Variants in ADAMTS19 observed in about 807,000 individuals in gnomAD.
ADAMTS19 encodes the protein ADAM metallopeptidase with thrombospondin type 1 motif 19, also known as A disintegrin and metalloproteinase with thrombospondin motifs 19.
A neutral mutation model predicts 153.3 loss-of-function variants in ADAMTS19; 93 were observed. The observed-to-expected ratio is 0.61, with a 90% CI of 0.51 to 0.72. ADAMTS19 has a LOEUF of 0.72. ADAMTS19 is among the 30% of genes least tolerant of loss of function. The pLI is 0.00. For synonymous variants in ADAMTS19, 600 were observed against 556.6 expected, an observed-to-expected ratio of 1.08 and a Z score of -1.10; for missense variants, 1,482 against 1,552.1, an observed-to-expected ratio of 0.95 and a Z score of 0.76.
rs1388923986 is a variant in ADAMTS19, at chr5:129,578,102, ACATATGCATGTATATG to A, written c.1373-18456_1373-18441del. Among the ~76,000 whole-genome samples, 232 of 102,194 alleles carry A rather than the reference ACATATGCATGTATATG, an allele frequency of 2.3e-3. 6 individuals carry two copies. The highest frequency in any genetic ancestry group is 5.9e-3 in the African/African-American group (209 of 35,140). The allele number at this position is 102,194 out of a possible 152,430, so 67.0% of individuals were successfully genotyped here. On this transcript the variant is annotated intron_variant, in intron 7 of 22. Coordinates refer to ENST00000274487, the MANE Select transcript of ADAMTS19 (RefSeq NM_133638.6). ...CACATATATACATATACATACATAT[ACATATGCATGTATATG>A]TACGTATACGTACATATACCTATAT...
rs186986653 is a variant in ADAMTS19, at chr5:129,737,114, C to A, written c.3538C>A (p.Arg1180=). The change falls in exon 23 of 23, where the codon CGA becomes AGA. Residue 1180 remains arginine, a synonymous_variant. Transcript: ENST00000274487. ...GGGAGATCAGTGGCCAGTGTACTGC[C>A]GAGTGATACGTGAAAAGAACCTATG... ...CLGDQWPVYC[R]VIREKNLCQD... The A allele has an allele frequency of 6.2e-7, 1 of 1,610,520 alleles. No homozygotes were observed. Among genetic ancestry groups the A allele is most frequent in the African/African-American group, 1.3e-5 (1 of 74,748 alleles).
chr5:129,522,330 C>CAT (rs1205280756), intron 3 of ADAMTS19, among the ~76,000 whole-genome samples: 269 of 70,888 alleles, frequency 3.8e-3, no homozygotes, highest in African/African-American at 0.012. Flanking sequence ...CACACACACA[C>CAT]ACATATATAT....
chr5:129,713,939 T>C (rs1036606064), intron 21 of ADAMTS19, among the ~76,000 whole-genome samples: 1 of 152,030 alleles, frequency 6.6e-6, no homozygotes, highest in Admixed American at 6.5e-5. Context: ...TTAGTCCCCC[T>C]AGCCTCAAAC....
chr5:129,551,411 A>G lies in ADAMTS19; in HGVS notation c.1329-453A>G, dbSNP rs573104317. ...TAAAATGATTATCAGTCTTTTAAAA[A>G]TTTTGCCAGTCTTATGATAGAAAAT... On this transcript the variant is annotated intron_variant, in intron 6 of 22. Transcript: ENST00000274487. 2.6e-5 allele frequency among the ~76,000 whole-genome samples: 4 copies of G among 151,782 alleles called. No individual in the cohort carries two copies. In the South Asian group the frequency reaches 8.3e-4, roughly 31 times the overall value.
intron 21 of ADAMTS19, among the ~76,000 whole-genome samples, chr5:129,715,160 A>T (rs896512986): frequency 6.6e-6 from 1 of 152,196 alleles, no homozygotes; most frequent in African/African-American, 2.4e-5. Context: ...ACATTGAGGG[A>T]AATGAATTTT....
At chr5:129,555,625 C>A (rs952906189) in intron 7 of ADAMTS19, among the ~76,000 whole-genome samples, 1 of 152,098 alleles carries the variant, frequency 6.6e-6, no homozygotes, top group Non-Finnish European at 1.5e-5. Flanking sequence ...CTGTGACAGT[C>A]GCAAAGCAGC....
intron 7 of ADAMTS19, among the ~76,000 whole-genome samples, chr5:129,583,480 T>C (rs1749626093): frequency 6.6e-6 from 1 of 152,142 alleles, no homozygotes; most frequent in Non-Finnish European, 1.5e-5. Context: ...GGGGAAGTTC[T>C]CCTGGATAAT....
chr5:129,570,488 G>T (rs747450750), intron 7 of ADAMTS19, among the ~76,000 whole-genome samples: 6 of 151,364 alleles, frequency 4.0e-5, no homozygotes, highest in Admixed American at 6.6e-5. Flanking sequence ...GTAAATTAAA[G>T]AAAAAATTAA....
intron 21 of ADAMTS19, among the ~76,000 whole-genome samples, chr5:129,712,273 A>C (rs1756518070): frequency 6.6e-6 from 1 of 152,200 alleles, no homozygotes; most frequent in Non-Finnish European, 1.5e-5. Flanking sequence ...CCATCATCTA[A>C]AGAAATCAAA....
rs1232820487 is a variant in ADAMTS19 at position 129,704,193 on chromosome 5, C to T, written c.3160-46C>T. On this transcript the variant is annotated intron_variant, in intron 20 of 22. Transcript: ENST00000274487. ...ACTTAATTGAGCCTATCATCTATAT[C>T]TCCAATTCACCAACTTTATCTAAAA... 1.9e-6 allele frequency: 3 copies of T among 1,588,688 alleles called. No homozygotes were observed. In the South Asian group the frequency reaches 3.5e-5, roughly 18 times the overall value.
chr5:129,575,420 T>C (rs1379407989), intron 7 of ADAMTS19, among the ~76,000 whole-genome samples: 2 of 152,094 alleles, frequency 1.3e-5, no homozygotes, highest in Non-Finnish European at 2.9e-5. Flanking sequence ...AGAACACTTT[T>C]AAATTTTTCC....
At position 129,547,693 on chromosome 5, in the gene ADAMTS19, C is replaced by T. The variant is rs564460332; in HGVS notation, c.1329-4171C>T. ...AAACTACTTTAAAGTTCATATGGAA[C>T]CAAAAAAGAGCCCGCATTGCCAAGC... is the stretch of plus-strand genomic sequence containing the variant. On this transcript the variant is annotated intron_variant, in intron 6 of 22. Coordinates refer to ENST00000274487, the MANE Select transcript of ADAMTS19 (RefSeq NM_133638.6). Among the ~76,000 whole-genome samples the T allele has an allele frequency of 1.4e-3, 215 of 150,532 alleles. 16 individuals are homozygous for T. Among genetic ancestry groups the T allele is most frequent in the African/African-American group, 5.3e-3 (211 of 40,046 alleles).
intron 8 of ADAMTS19, among the ~76,000 whole-genome samples, chr5:129,610,957 C>T (rs1016863112): frequency 2.7e-4 from 41 of 152,134 alleles, no homozygotes; most frequent in Non-Finnish European, 4.4e-4. Flanking sequence ...ACCTGTTGTT[C>T]CCTGACTTTT....
chr5:129,616,835 C>T (rs1404057934), intron 8 of ADAMTS19, among the ~76,000 whole-genome samples: 1 of 151,974 alleles, frequency 6.6e-6, no homozygotes, highest in Non-Finnish European at 1.5e-5. Flanking sequence ...TACATTTCTG[C>T]TAAAAGAACA....
At position 129,738,165 on chromosome 5, in the gene ADAMTS19, C is replaced by T. The variant is rs1757752407; in HGVS notation, c.*947C>T. Reference sequence around the variant, plus strand: ...CCTAGGAACAAGGAAAAACAGAAAGCATATAATACGGTGGTCGTTTCATTG... The same window carrying T: ...CCTAGGAACAAGGAAAAACAGAAAGTATATAATACGGTGGTCGTTTCATTG... On this transcript the variant is annotated 3_prime_UTR_variant, in exon 23 of 23. Transcript: ENST00000274487. 1 of 152,202 alleles carries T rather than the reference C, an allele frequency of 6.6e-6. No homozygotes were observed. Among genetic ancestry groups the T allele is most frequent in the Non-Finnish European group, 1.5e-5 (1 of 67,954 alleles). The allele number at this position is 152,202 out of a possible 1,614,324, so 9.4% of individuals were successfully genotyped here.
chr5:129,536,448 T>G (rs28807771), intron 6 of ADAMTS19, among the ~76,000 whole-genome samples: 1 of 152,112 alleles, frequency 6.6e-6, no homozygotes, highest in Non-Finnish European at 1.5e-5. Context: ...ATAGGAACAC[T>G]TTTACACTGT....
intron 17 of ADAMTS19, among the ~76,000 whole-genome samples, chr5:129,682,178 C>T (rs1049462549): frequency 6.6e-6 from 1 of 152,168 alleles, no homozygotes; most frequent in Non-Finnish European, 1.5e-5. Flanking sequence ...CATAATTAAA[C>T]TCAGTGAACT....
chr5:129,573,985 A>G (rs1363815896), intron 7 of ADAMTS19, among the ~76,000 whole-genome samples: 2 of 152,012 alleles, frequency 1.3e-5, no homozygotes, highest in Non-Finnish European at 2.9e-5. Context: ...GCAGCTTTCT[A>G]TTCATCACAC....
intron 7 of ADAMTS19, among the ~76,000 whole-genome samples, chr5:129,578,427 T>G (rs1182179569): frequency 6.7e-6 from 1 of 150,102 alleles, no homozygotes; most frequent in African/African-American, 2.5e-5. Context: ...TACATATACC[T>G]ATATGCATGT....
Sources: allele counts gnomAD v4.1 joint callset (sites outside exome capture counted in the v4.1 genomes callset), GRCh38; gene constraint gnomAD v4.1.1; transcripts MANE v1.5; gene names NCBI Gene and HGNC (gene_info 2026-07-23, HGNC 2026-07-21).